CALD1: variants seen among roughly 807,000 people sequenced by gnomAD.
CALD1 encodes caldesmon 1, also known as caldesmon.
A neutral mutation model predicts 99.9 loss-of-function variants in CALD1; 33 were observed. The ratio of observed to expected loss-of-function variants is 0.33; its 90% CI spans 0.25 to 0.44. The LOEUF is 0.44. Ranked by LOEUF, CALD1 falls within the 20% of genes least tolerant of loss-of-function variation. CALD1 has a pLI of 1.00. For synonymous variants in CALD1, 310 were observed against 325.0 expected (o/e 0.95, Z 0.50); for missense variants, 861 against 962.1 (o/e 0.89, Z 1.39).
At chr7:134,967,091 C>T (rs1808731663) in intron 14 of CALD1, among the ~76,000 whole-genome samples, 1 of 152,130 alleles carries the variant, frequency 6.6e-6, no homozygotes, top group South Asian at 2.1e-4. Flanking sequence ...CGGAGTCTCT[C>T]TGGATAACAT....
At chr7:134,864,437 C>CGCTCAGACTGGAGTGAAGCG (rs1800711499) in intron 2 of CALD1, among the ~76,000 whole-genome samples, 1 of 144,250 alleles carries the variant, frequency 6.9e-6, no homozygotes. Flanking sequence ...CTCGCTCTGT[C>CGCTCAGACTGGAGTGAAGCG]GCTCAGACTG....
chr7:134,815,891 A>G (rs1798542075), intron 1 of CALD1, among the ~76,000 whole-genome samples: 1 of 152,250 alleles, frequency 6.6e-6, no homozygotes, highest in Non-Finnish European at 1.5e-5. Flanking sequence ...TTTTTTAAAA[A>G]CTATCCTCGA....
chr7:134,711,680 A>ATGTGTGTG, the CALD1 span, among the ~76,000 whole-genome samples: 9 of 109,580 alleles, frequency 8.2e-5, no homozygotes, highest in African/African-American at 2.7e-4. Flanking sequence ...ATATATATAT[A>ATGTGTGTG]TGTGTGTGTG....
chr7:134,828,351 C>T (rs1204305066), intron 1 of CALD1, among the ~76,000 whole-genome samples: 3 of 152,152 alleles, frequency 2.0e-5, no homozygotes, highest in African/African-American at 4.8e-5. Context: ...AAAAAGAATT[C>T]GGAATCGCAG....
the CALD1 span, among the ~76,000 whole-genome samples, chr7:134,732,717 T>C: frequency 6.6e-6 from 1 of 152,380 alleles, no homozygotes; most frequent in Admixed American, 6.5e-5. Flanking sequence ...TCCAATTTTA[T>C]TTCTCAAGAG....
chr7:134,821,946 T>C (rs1473803177), intron 1 of CALD1: 1 of 152,202 alleles, frequency 6.6e-6, no homozygotes, highest in East Asian at 1.9e-4. Flanking sequence ...ACTCTCTCTC[T>C]CTTCATTTCT....
intron 1 of CALD1, among the ~76,000 whole-genome samples, chr7:134,754,983 C>T (rs1391943501): frequency 8.0e-6 from 1 of 124,706 alleles, no homozygotes; most frequent in Non-Finnish European, 1.6e-5. Context: ...CTCAACACTA[C>T]TATATATTTT....
rs563206999 is a variant in CALD1 at position 134,806,315 on chromosome 7, C to T, written c.-130+26566C>T. Among the ~76,000 whole-genome samples the T allele has an allele frequency of 3.7e-3, 560 of 152,290 alleles. 1 individual carries two copies. The highest frequency in any genetic ancestry group is 0.014 in the Middle Eastern group (4 of 294). On this transcript the variant is annotated intron_variant, in intron 1 of 14. Coordinates refer to ENST00000361675, the MANE Select transcript of CALD1 (RefSeq NM_033138.4). ...AAAAGGGGTTTTTCTCCCCCCAGCCCACGGTTTAGCTTCCTCATTAGTAGG... is the reference window on the plus strand; with the variant it reads ...AAAAGGGGTTTTTCTCCCCCCAGCCTACGGTTTAGCTTCCTCATTAGTAGG...
chr7:134,746,780 G>A (rs1308171161), intron 1 of CALD1, among the ~76,000 whole-genome samples: 7 of 152,192 alleles, frequency 4.6e-5, no homozygotes, highest in East Asian at 1.9e-4. Flanking sequence ...TATTGAAAAC[G>A]AGAGAAAAGG....
At chr7:134,899,438 G>A (rs1023221314) in intron 3 of CALD1, among the ~76,000 whole-genome samples, 2 of 152,050 alleles carry the variant, frequency 1.3e-5, no homozygotes, top group African/African-American at 4.8e-5. Context: ...CCTGACCTCA[G>A]GTGATCCGCC....
rs974900136 is a variant in CALD1 at position 134,968,408 on chromosome 7, C to G, written c.*63C>G. On this transcript the variant is annotated 3_prime_UTR_variant, in exon 15 of 15. Coordinates refer to ENST00000361675, the MANE Select transcript of CALD1 (RefSeq NM_033138.4). ...CGAGCTCAGTTGTAGAGGGCTAATT[C>G]GCTCTGTTTTGTATTTATGTTGATT... 1 of 1,477,648 alleles carries G rather than the reference C, an allele frequency of 6.8e-7. No homozygotes were observed. The highest frequency in any genetic ancestry group is 9.5e-7 in the Non-Finnish European group (1 of 1,056,014). The allele number at this position is 1,477,648 out of a possible 1,614,324, so 91.5% of individuals were successfully genotyped here.
At chr7:134,732,496 A>G in the CALD1 span, among the ~76,000 whole-genome samples, 1 of 152,166 alleles carries the variant, frequency 6.6e-6, no homozygotes, top group East Asian at 1.9e-4. Context: ...TGGCTTTTCC[A>G]CCAAATGAGG....
At chr7:134,735,482 T>C in the CALD1 span, among the ~76,000 whole-genome samples, 1 of 152,166 alleles carries the variant, frequency 6.6e-6, no homozygotes, top group Middle Eastern at 3.4e-3. Context: ...TGTGTGTGTA[T>C]CATACAGCAC....
chr7:134,855,861 G>A (rs117063456), intron 2 of CALD1, among the ~76,000 whole-genome samples: 5 of 152,274 alleles, frequency 3.3e-5, no homozygotes, highest in South Asian at 2.1e-4. Flanking sequence ...TATTTAGCCC[G>A]GTGGTTGCCA....
At chr7:134,930,694 A>G (rs1805455662) in intron 4 of CALD1, among the ~76,000 whole-genome samples, 2 of 152,228 alleles carry the variant, frequency 1.3e-5, no homozygotes, top group South Asian at 4.1e-4. Flanking sequence ...ACCTTTCACT[A>G]ACTGTATTTC....
At position 134,970,047 on chromosome 7, in the gene CALD1, C is replaced by T. The variant is rs529933410; in HGVS notation, c.*1702C>T. On this transcript the variant is annotated 3_prime_UTR_variant, in exon 15 of 15. Transcript: ENST00000361675. ...TCTGCGTTACAAAGTCTATCTTCCT[C>T]ATAAGTCTGTAAAGAGCAATTGAAT... 19 of 152,392 alleles carry T rather than the reference C, an allele frequency of 1.2e-4. No homozygotes were observed. The highest frequency in any genetic ancestry group is 4.6e-4 in the African/African-American group (19 of 41,570). 9.4% of individuals were successfully genotyped at this position (152,392 alleles called of 1,614,324 possible).
chr7:134,802,488 G>A (rs1452965080), intron 1 of CALD1, among the ~76,000 whole-genome samples: 3 of 152,074 alleles, frequency 2.0e-5, no homozygotes, highest in Admixed American at 6.5e-5. Flanking sequence ...CATTTGAATC[G>A]TTCCCAGTTT....
intron 1 of CALD1, among the ~76,000 whole-genome samples, chr7:134,807,180 T>C (rs1798174937): frequency 6.6e-6 from 1 of 152,144 alleles, no homozygotes; most frequent in Non-Finnish European, 1.5e-5. Context: ...ATGAGTCTTG[T>C]AATGGGAAAA....
chr7:134,876,187 C>A (rs948337493), intron 3 of CALD1, among the ~76,000 whole-genome samples: 2 of 152,176 alleles, frequency 1.3e-5, no homozygotes, highest in African/African-American at 4.8e-5. Flanking sequence ...CATGAACCTC[C>A]GTCCGCAGAC....
Sources: gnomAD v4.1 joint callset for allele counts (sites outside exome capture counted in the v4.1 genomes callset) on GRCh38, gnomAD v4.1.1 for gene constraint, MANE v1.5 for transcripts, NCBI Gene and HGNC (gene_info 2026-07-23, HGNC 2026-07-21) for gene names.